Variants in NALF1 observed in about 807,000 individuals in gnomAD.
NALF1 encodes NALCN channel auxiliary factor 1.
NALF1 carries 3 observed loss-of-function variants against 48.4 expected under a neutral mutation model. The ratio of observed to expected loss-of-function variants is 0.06; its 90% confidence interval spans 0.03 to 0.16. The LOEUF (loss-of-function observed/expected upper bound fraction) is 0.16, where lower values mean the gene tolerates loss of function less well. Among genes scored for constraint, NALF1 ranks in the 10% least tolerant of loss-of-function variants. NALF1 has a pLI of 1.00. For missense variants in NALF1, 526 were observed against 571.5 expected, an observed-to-expected ratio of 0.92 and a Z score of 0.81; for synonymous variants, 262 against 245.7, an observed-to-expected ratio of 1.07 and a Z score of -0.62.
intron 1 of NALF1, among the ~76,000 whole-genome samples, chr13:107,685,142 A>G (rs958354058): frequency 5.3e-5 from 8 of 152,126 alleles, no homozygotes; most frequent in African/African-American, 1.9e-4. Flanking sequence ...GTGAAGCCCC[A>G]TGTGTACTAA....
intron 1 of NALF1, among the ~76,000 whole-genome samples, chr13:107,798,369 C>T (rs1175278818): frequency 2.0e-5 from 3 of 152,084 alleles, no homozygotes; most frequent in Non-Finnish European, 4.4e-5. Flanking sequence ...AATTGAGATG[C>T]TATTTATAAA....
chr13:107,342,709 T>C (rs190254050), intron 1 of NALF1, among the ~76,000 whole-genome samples: 2 of 152,310 alleles, frequency 1.3e-5, no homozygotes, highest in Non-Finnish European at 2.9e-5. Context: ...AAATGTTTTA[T>C]GTTAGCCCCA....
At chr13:107,466,938 G>C (rs1322227946) in intron 1 of NALF1, among the ~76,000 whole-genome samples, 2 of 152,042 alleles carry the variant, frequency 1.3e-5, no homozygotes. Flanking sequence ...ACGGCTTCTT[G>C]CTTCTTTTAA....
At chr13:107,415,194 T>A (rs9587381) in intron 1 of NALF1, among the ~76,000 whole-genome samples, 30,949 of 152,062 alleles carry the variant, frequency 0.2, 3,544 homozygotes, top group Middle Eastern at 0.26. Flanking sequence ...TTCTCTGCTT[T>A]ACATACATCC....
At chr13:107,710,807 AT>A (rs1381507827) in intron 1 of NALF1, among the ~76,000 whole-genome samples, 3 of 64,240 alleles carry the variant, frequency 4.7e-5, no homozygotes, top group Admixed American at 2.2e-4. Context: ...GTATATATAC[AT>A]ATATGTGTAT....
At chr13:107,578,114 CAATCT>C (rs1170548570) in intron 1 of NALF1, among the ~76,000 whole-genome samples, 1 of 152,158 alleles carries the variant, frequency 6.6e-6, no homozygotes, top group Admixed American at 6.5e-5. Flanking sequence ...ATTGTGTATC[CAATCT>C]CCAGTCACTG....
chr13:107,320,775 T>C (rs1357637527), intron 1 of NALF1: 3 of 152,148 alleles, frequency 2.0e-5, no homozygotes, highest in Non-Finnish European at 4.4e-5. Context: ...TAAGGTGACC[T>C]TAATAATCTT....
intron 1 of NALF1, among the ~76,000 whole-genome samples, chr13:107,857,455 C>T (rs1216078552): frequency 3.9e-5 from 6 of 152,166 alleles, no homozygotes; most frequent in African/African-American, 7.2e-5. Flanking sequence ...CATTTCTACC[C>T]ACAGGTTTAC....
chr13:107,532,718 C>T (rs1377365331), intron 1 of NALF1, among the ~76,000 whole-genome samples: 1 of 151,842 alleles, frequency 6.6e-6, no homozygotes, highest in Non-Finnish European at 1.5e-5. Context: ...TGTGTTTGGT[C>T]CATTTATGTG....
intron 1 of NALF1, among the ~76,000 whole-genome samples, chr13:107,669,240 T>G (rs1485216432): frequency 6.6e-6 from 1 of 152,162 alleles, no homozygotes; most frequent in African/African-American, 2.4e-5. Flanking sequence ...TAGCCATAGC[T>G]TTATTTAGAT....
At position 107,561,277 on chromosome 13, in the gene NALF1, G is replaced by A. The variant is rs532536984; in HGVS notation, c.915+304405C>T. Among the ~76,000 whole-genome samples, 3 of 152,180 alleles carry A rather than the reference G, an allele frequency of 2.0e-5. No individual in the cohort carries two copies. The East Asian group carries it at 5.8e-4, about 29-fold the overall frequency. On this transcript the variant is annotated intron_variant, in intron 1 of 2. Transcript: ENST00000375915. ...AGTCCAGGCTCACATGTTGTACTTA[G>A]GTGCCATGTCACCTTCGTCTCCTTT...
intron 1 of NALF1, among the ~76,000 whole-genome samples, chr13:107,358,059 T>C (rs997008568): frequency 3.9e-5 from 6 of 152,198 alleles, no homozygotes; most frequent in Non-Finnish European, 8.8e-5. Flanking sequence ...TGCATATGCA[T>C]ATTTATATAC....
chr13:107,557,145 T>C lies in NALF1; in HGVS notation c.915+308537A>G, dbSNP rs374380218. On this transcript the variant is annotated intron_variant, in intron 1 of 2. Transcript: ENST00000375915. ...TTTTTGATGGCCAGAGCCTAGCTTC[T>C]TGAAAAAAAAATGTTTTGTTAGGTT... Among the ~76,000 whole-genome samples, 4 of 152,202 alleles carry C rather than the reference T, an allele frequency of 2.6e-5. No homozygotes were observed. In the South Asian group the frequency reaches 6.2e-4, roughly 24 times the overall value.
At chr13:107,406,285 C>CA (rs1883897990) in intron 1 of NALF1, among the ~76,000 whole-genome samples, 1 of 151,960 alleles carries the variant, frequency 6.6e-6, no homozygotes, top group Admixed American at 6.6e-5. Flanking sequence ...AATCAAAAGA[C>CA]ATCAAGTGGA....
intron 1 of NALF1, among the ~76,000 whole-genome samples, chr13:107,699,952 T>G (rs1881781739): frequency 6.6e-6 from 1 of 151,992 alleles, no homozygotes; most frequent in South Asian, 2.1e-4. Context: ...TTTACTCAAG[T>G]AGGTAAAAGA....
At chr13:107,422,183 G>A (rs985932402) in intron 1 of NALF1, among the ~76,000 whole-genome samples, 18 of 152,182 alleles carry the variant, frequency 1.2e-4, no homozygotes, top group South Asian at 1.0e-3. Flanking sequence ...GACTGTGCTG[G>A]GCATCGTAGC....
At chr13:107,809,459 C>T (rs1198031151) in intron 1 of NALF1, among the ~76,000 whole-genome samples, 1 of 152,104 alleles carries the variant, frequency 6.6e-6, no homozygotes. Context: ...ACTTCACTTA[C>T]ACTATATGTA....
chr13:107,538,873 A>G (rs1876916748), intron 1 of NALF1, among the ~76,000 whole-genome samples: 1 of 152,176 alleles, frequency 6.6e-6, no homozygotes. Flanking sequence ...GTTAATGGTC[A>G]ATATAGCTTA....
chr13:107,257,259 C>T (rs987617813), intron 1 of NALF1, among the ~76,000 whole-genome samples: 8 of 152,198 alleles, frequency 5.3e-5, no homozygotes, highest in Non-Finnish European at 8.8e-5. Flanking sequence ...GACACAGAGC[C>T]GAACCATGTT....
Sources: gnomAD v4.1 joint callset for allele counts (sites outside exome capture counted in the v4.1 genomes callset) on GRCh38, gnomAD v4.1.1 for gene constraint, MANE v1.5 for transcripts, NCBI Gene and HGNC (gene_info 2026-07-23, HGNC 2026-07-21) for gene names.